Variants in KLHL1 observed in about 807,000 individuals in gnomAD.
KLHL1 encodes the protein kelch-like protein 1.
In KLHL1, 47 loss-of-function variants were observed where a neutral mutation model predicts 77.7. That is an observed-to-expected ratio of 0.60 (90% CI 0.48 to 0.77). KLHL1 has a LOEUF of 0.77. Ranked by LOEUF, KLHL1 falls within the 30% of genes least tolerant of loss-of-function variation. KLHL1 has a pLI of 0.00. For synonymous variants in KLHL1, 360 were observed against 325.2 expected, an observed-to-expected ratio of 1.11 and a Z score of -1.15; for missense variants, 925 against 910.8, an observed-to-expected ratio of 1.02 and a Z score of -0.20.
At chr13:70,101,870 C>T (rs1195565351) in intron 1 of KLHL1, among the ~76,000 whole-genome samples, 1 of 151,774 alleles carries the variant, frequency 6.6e-6, no homozygotes, top group African/African-American at 2.4e-5. Context: ...AGTAAGCTTT[C>T]CCCAAATAAG....
chr13:70,023,594 T>C (rs2137355362), intron 1 of KLHL1, among the ~76,000 whole-genome samples: 1 of 152,106 alleles, frequency 6.6e-6, no homozygotes, highest in South Asian at 2.1e-4. Context: ...TTTTTTGTTG[T>C]ATCTGTTTGG....
intron 7 of KLHL1, among the ~76,000 whole-genome samples, chr13:69,788,845 A>G (rs1183805925): frequency 6.6e-6 from 1 of 152,148 alleles, no homozygotes; most frequent in Non-Finnish European, 1.5e-5. Flanking sequence ...GGTAATCTTT[A>G]AATTGCAGAA....
chr13:69,780,731 T>TATATATAC lies in KLHL1; in HGVS notation c.1639+16006_1639+16007insGTATATAT, dbSNP rs1555267679. On this transcript the variant is annotated intron_variant, in intron 7 of 10. Transcript: ENST00000377844. ...ATATATATATGTATATATATATATA[T>TATATATAC]ACATATATATATACATATATATATA... 1.3e-4 allele frequency among the ~76,000 whole-genome samples: 10 copies of TATATATAC among 75,328 alleles called. No homozygotes were observed. In the East Asian group the frequency reaches 2.0e-3, roughly 15 times the overall value. The allele number at this position is 75,328 out of a possible 152,430, so 49.4% of individuals were successfully genotyped here.
chr13:69,951,434 G>T (rs937857504), intron 3 of KLHL1, among the ~76,000 whole-genome samples: 1 of 151,544 alleles, frequency 6.6e-6, no homozygotes, highest in Non-Finnish European at 1.5e-5. Flanking sequence ...ACATGTTTCT[G>T]TAGAACCAGG....
rs1167678930 is a variant in KLHL1, at chr13:69,701,153, T to TC, written c.*548dup. On this transcript the variant is annotated 3_prime_UTR_variant, in exon 11 of 11. Coordinates refer to ENST00000377844, the MANE Select transcript of KLHL1 (RefSeq NM_020866.3). ...TGCAAGATACAAGCATGAATCTGTT[T>TC]CTCTAATTGTTCTCATAGCTTAGGA... The TC allele has an allele frequency of 6.6e-6, 1 of 151,916 alleles. No individual in the cohort carries two copies. The highest frequency in any genetic ancestry group is 1.5e-5 in the Non-Finnish European group (1 of 67,758). The allele number at this position is 151,916 out of a possible 1,614,324, so 9.4% of individuals were successfully genotyped here.
chr13:69,863,817 A>T (rs950386780), intron 5 of KLHL1, among the ~76,000 whole-genome samples: 2 of 152,030 alleles, frequency 1.3e-5, no homozygotes, highest in Admixed American at 6.6e-5. Context: ...ATTCATTTCA[A>T]CTTAACTGTC....
Position 69,839,148 on chromosome 13 carries a change from T to C in KLHL1, c.1242A>G (p.Leu414=), listed in dbSNP as rs1246070677. 2.5e-6 allele frequency: 4 copies of C among 1,600,252 alleles called. No individual in the cohort carries two copies. Among genetic ancestry groups the C allele is most frequent in the Non-Finnish European group, 3.4e-6 (4 of 1,171,924 alleles). Residue 414 remains leucine (L), a synonymous_variant, in exon 6 of 11, where the codon CTA becomes CTG. Coordinates refer to ENST00000377844, the MANE Select transcript of KLHL1 (RefSeq NM_020866.3). Reference sequence around the variant, plus strand: ...CATTCTTAAATAATGCATGATTTTCTAGGTCAGCCAATATCTGTGAATAAT... The same window carrying C: ...CATTCTTAAATAATGCATGATTTTCCAGGTCAGCCAATATCTGTGAATAAT... The part of the protein sequence containing the change: ...PLLPPQILAD[L]ENHALFKNDL...
At chr13:70,041,735 G>C (rs1232671591) in intron 1 of KLHL1, among the ~76,000 whole-genome samples, 1 of 151,996 alleles carries the variant, frequency 6.6e-6, no homozygotes, top group Non-Finnish European at 1.5e-5. Flanking sequence ...GTCACTCCTT[G>C]GTGGGCCTAG....
At chr13:69,960,454 C>T (rs1355981398) in intron 3 of KLHL1, among the ~76,000 whole-genome samples, 2 of 151,902 alleles carry the variant, frequency 1.3e-5, no homozygotes, top group African/African-American at 4.8e-5. Flanking sequence ...ATACTGTCTG[C>T]CTTGGTTTCT....
intron 1 of KLHL1, among the ~76,000 whole-genome samples, chr13:70,032,115 T>G (rs1191369036): frequency 1.3e-5 from 2 of 152,218 alleles, no homozygotes; most frequent in East Asian, 3.9e-4. Context: ...TCTTAAAGGT[T>G]TATTGTAAAC....
chr13:70,102,190 C>A (rs1887937794), intron 1 of KLHL1, among the ~76,000 whole-genome samples: 1 of 152,088 alleles, frequency 6.6e-6, no homozygotes, highest in Non-Finnish European at 1.5e-5. Context: ...CCACTAATCT[C>A]CATGAGATTT....
At chr13:69,998,521 T>C (rs1885211599) in intron 1 of KLHL1, among the ~76,000 whole-genome samples, 2 of 151,998 alleles carry the variant, frequency 1.3e-5, no homozygotes, top group Non-Finnish European at 2.9e-5. Flanking sequence ...TACACACAAA[T>C]TGTATATCTG....
At chr13:70,045,167 A>G (rs190709765) in intron 1 of KLHL1, among the ~76,000 whole-genome samples, 321 of 152,324 alleles carry the variant, frequency 2.1e-3, no homozygotes, top group African/African-American at 7.3e-3. Context: ...CTGAAAAGTT[A>G]TATGGTTTTT....
chr13:69,732,657 T>TTGC (rs1491364593), intron 8 of KLHL1, among the ~76,000 whole-genome samples: 1 of 79,036 alleles, frequency 1.3e-5, no homozygotes, highest in Non-Finnish European at 2.8e-5. Context: ...GTTTGTTTGC[T>TTGC]TTTTTTTTTT....
intron 1 of KLHL1, among the ~76,000 whole-genome samples, chr13:70,028,948 T>TGCAC: frequency 6.6e-6 from 1 of 151,170 alleles, no homozygotes; most frequent in Admixed American, 6.6e-5. Flanking sequence ...CTGCACTGCA[T>TGCAC]TCCAGCTTGG....
At chr13:69,878,679 C>T (rs971979730) in intron 5 of KLHL1, among the ~76,000 whole-genome samples, 18 of 150,984 alleles carry the variant, frequency 1.2e-4, no homozygotes, top group African/African-American at 4.4e-4. Context: ...TGTATGTGTA[C>T]ACATATATGT....
intron 4 of KLHL1, among the ~76,000 whole-genome samples, chr13:69,885,799 T>C (rs1054997687): frequency 6.6e-6 from 1 of 152,096 alleles, no homozygotes; most frequent in Non-Finnish European, 1.5e-5. Flanking sequence ...ATAAAAAAGC[T>C]CGCCATATGG....
In KLHL1 at chr13:69,812,638, C is replaced by A. The variant is rs549516650; in HGVS notation, c.1415-15676G>T. On this transcript the variant is annotated intron_variant, in intron 6 of 10. Transcript: ENST00000377844. Reference sequence around the variant, plus strand: ...AAATTTACAAGAAAAAAACAAACAACCCCATCAAAAAGTGGGCAAATGATA... The same window carrying A: ...AAATTTACAAGAAAAAAACAAACAAACCCATCAAAAAGTGGGCAAATGATA... Among the ~76,000 whole-genome samples, 15 of 152,082 alleles carry A rather than the reference C, an allele frequency of 9.9e-5. No homozygotes were observed. The South Asian group carries it at 2.7e-3, about 27-fold the overall frequency.
At chr13:70,019,882 G>A (rs1008253606) in intron 1 of KLHL1, among the ~76,000 whole-genome samples, 1 of 152,102 alleles carries the variant, frequency 6.6e-6, no homozygotes, top group Non-Finnish European at 1.5e-5. Context: ...AGGTGTTTAG[G>A]TCATGAAGGC....
Sources: gnomAD v4.1 joint callset for allele counts (sites outside exome capture counted in the v4.1 genomes callset) on GRCh38, gnomAD v4.1.1 for gene constraint, MANE v1.5 for transcripts, NCBI Gene and HGNC (gene_info 2026-07-23, HGNC 2026-07-21) for gene names.